Variants in KCNH8 observed in about 807,000 individuals in gnomAD.
KCNH8 encodes voltage-gated delayed rectifier potassium channel KCNH8.
KCNH8 carries 70 observed loss-of-function variants against 103.6 expected under a neutral mutation model. That is an observed-to-expected ratio of 0.68 (90% CI 0.56 to 0.82). KCNH8 has a LOEUF of 0.82. KCNH8 is among the 40% of genes least tolerant of loss of function. The probability of loss-of-function intolerance (pLI) is 0.00; values close to 1 mark genes in which losing one functional copy is unlikely to be tolerated. For synonymous variants in KCNH8, 498 were observed against 489.4 expected, an observed-to-expected ratio of 1.02 and a Z score of -0.23; for missense variants, 1,217 against 1,329.9, an observed-to-expected ratio of 0.92 and a Z score of 1.32.
intron 3 of KCNH8, among the ~76,000 whole-genome samples, chr3:19,329,132 C>T (rs554497478): frequency 3.9e-5 from 6 of 152,260 alleles, no homozygotes; most frequent in African/African-American, 1.4e-4. Flanking sequence ...AGTTAGGATT[C>T]CAATGTGCCA....
chr3:19,458,285 G>A lies in KCNH8; in HGVS notation c.2040+1303G>A, dbSNP rs138077751. Among the ~76,000 whole-genome samples, 597 of 151,948 alleles carry A rather than the reference G, an allele frequency of 3.9e-3. 6 individuals carry two copies. The highest frequency in any genetic ancestry group is 0.014 in the African/African-American group (573 of 41,514). On this transcript the variant is annotated intron_variant, in intron 11 of 15. Coordinates refer to ENST00000328405, the MANE Select transcript of KCNH8 (RefSeq NM_144633.3). ...AGTAGATTGAATTTTAAAACTACAG[G>A]TGTCTTTTGTGCTCACCATGACAGC...
At position 19,451,219 on chromosome 3, in the gene KCNH8, T is replaced by C. The variant is rs770784816; in HGVS notation, c.1640T>C (p.Leu547Ser). The C allele has an allele frequency of 6.2e-7, 1 of 1,613,854 alleles. No individual in the cohort carries two copies. Among genetic ancestry groups the C allele is most frequent in the Admixed American group, 1.7e-5 (1 of 59,982 alleles). ...DITMHLNKEI[L>S]QLSLFECASR... Reference sequence around the variant, plus strand: ...ACTATGCACTTGAACAAGGAGATCTTACAGTTGTCCCTTTTTGAATGTGCC... The same window carrying C: ...ACTATGCACTTGAACAAGGAGATCTCACAGTTGTCCCTTTTTGAATGTGCC... Residue 547 changes from leucine to serine, a missense_variant, in exon 10 of 16, where the codon TTA becomes TCA. Leu to Ser is a moderately radical substitution (Grantham distance 145). Coordinates refer to ENST00000328405, the MANE Select transcript of KCNH8 (RefSeq NM_144633.3).
At chr3:19,507,956 T>C (rs2068724367) in intron 11 of KCNH8, among the ~76,000 whole-genome samples, 1 of 152,234 alleles carries the variant, frequency 6.6e-6, no homozygotes, top group South Asian at 2.1e-4. Context: ...ATCTGGGTTA[T>C]TATCATGAAG....
chr3:19,505,404 A>T (rs1165891995), intron 11 of KCNH8, among the ~76,000 whole-genome samples: 1 of 152,172 alleles, frequency 6.6e-6, no homozygotes, highest in Non-Finnish European at 1.5e-5. Context: ...CCCCCGTGAC[A>T]CAAGTTTACC....
intron 11 of KCNH8, among the ~76,000 whole-genome samples, chr3:19,475,218 A>T (rs910364850): frequency 2.0e-5 from 3 of 152,210 alleles, no homozygotes; most frequent in Admixed American, 1.3e-4. Flanking sequence ...AATAGTCTTA[A>T]GGGAGAGAAA....
chr3:19,480,569 A>G (rs181771492), intron 11 of KCNH8, among the ~76,000 whole-genome samples: 21 of 152,330 alleles, frequency 1.4e-4, no homozygotes, highest in Admixed American at 5.9e-4. Context: ...GTATGAGCCT[A>G]TGAGAGCTCT....
At chr3:19,380,264 A>G (rs539499105) in intron 5 of KCNH8, among the ~76,000 whole-genome samples, 5 of 152,356 alleles carry the variant, frequency 3.3e-5, no homozygotes, top group South Asian at 2.1e-4. Context: ...AACATGAAAT[A>G]TGAACAAATA....
intron 11 of KCNH8, among the ~76,000 whole-genome samples, chr3:19,498,470 C>T (rs924926676): frequency 1.3e-5 from 2 of 152,074 alleles, no homozygotes; most frequent in African/African-American, 4.8e-5. Context: ...GCTGACTTGT[C>T]TCAAAAGGAT....
chr3:19,374,379 C>G (rs1387906228), intron 5 of KCNH8, among the ~76,000 whole-genome samples: 1 of 151,536 alleles, frequency 6.6e-6, no homozygotes, highest in East Asian at 1.9e-4. Context: ...TTCTTTGTCT[C>G]TTTTGATCTT....
intron 11 of KCNH8, among the ~76,000 whole-genome samples, chr3:19,469,170 T>C (rs919916916): frequency 6.6e-6 from 1 of 152,184 alleles, no homozygotes; most frequent in African/African-American, 2.4e-5. Flanking sequence ...GAGATAATTG[T>C]TCTTAGAAAA....
In KCNH8 at chr3:19,253,880, G is replaced by A; in HGVS notation, c.303G>A (p.Lys101=). 1 of 1,609,576 alleles carries A rather than the reference G, an allele frequency of 6.2e-7. No individual in the cohort carries two copies. The highest frequency in any genetic ancestry group is 1.1e-5 in the South Asian group (1 of 90,914). ...TEFKGEIMFY[K]KNGSPFWCLL... ...TCAAAGGAGAAATTATGTTCTACAAGAAAAACGGTGAGTTGGCTTTCTTTC... is the reference window on the plus strand; with the variant it reads ...TCAAAGGAGAAATTATGTTCTACAAAAAAAACGGTGAGTTGGCTTTCTTTC... Residue 101 remains lysine (K), a synonymous_variant, in exon 2 of 16, where the codon AAG becomes AAA. Coordinates refer to ENST00000328405, the MANE Select transcript of KCNH8 (RefSeq NM_144633.3).
chr3:19,514,106 A>G (rs539931632), intron 13 of KCNH8, among the ~76,000 whole-genome samples: 1 of 152,266 alleles, frequency 6.6e-6, no homozygotes, highest in African/African-American at 2.4e-5. Context: ...TATCTCTATT[A>G]TAAAGTTGCA....
chr3:19,223,443 A>G (rs1043571772), intron 1 of KCNH8, among the ~76,000 whole-genome samples: 1 of 152,188 alleles, frequency 6.6e-6, no homozygotes, highest in Non-Finnish European at 1.5e-5. Flanking sequence ...TTTTGGGGAC[A>G]TATTACATAT....
At chr3:19,199,478 T>C (rs1215224026) in intron 1 of KCNH8, among the ~76,000 whole-genome samples, 1 of 151,780 alleles carries the variant, frequency 6.6e-6, no homozygotes, top group Non-Finnish European at 1.5e-5. Flanking sequence ...CAAAAACTGC[T>C]GGACAAAAAC....
At chr3:19,295,611 G>T (rs2064987869) in intron 3 of KCNH8, among the ~76,000 whole-genome samples, 2 of 152,248 alleles carry the variant, frequency 1.3e-5, no homozygotes, top group East Asian at 1.9e-4. Context: ...ACTGAGGACA[G>T]GCTGGAGACC....
At chr3:19,458,580 G>A (rs1021236352) in intron 11 of KCNH8, among the ~76,000 whole-genome samples, 1 of 151,828 alleles carries the variant, frequency 6.6e-6, no homozygotes, top group African/African-American at 2.4e-5. Flanking sequence ...ATTTCCTCAC[G>A]TTTATCATTT....
chr3:19,420,843 T>G lies in KCNH8; in HGVS notation c.1178-17321T>G, dbSNP rs184598118. Among the ~76,000 whole-genome samples, 27 of 152,290 alleles carry G rather than the reference T, an allele frequency of 1.8e-4. No individual in the cohort carries two copies. The East Asian group carries it at 5.0e-3, about 28-fold the overall frequency. On this transcript the variant is annotated intron_variant, in intron 7 of 15. Coordinates refer to ENST00000328405, the MANE Select transcript of KCNH8 (RefSeq NM_144633.3). Reference sequence around the variant, plus strand: ...CTTAAATGAAAATCTGGTATTATTTTATTGGCAACTGAGGATATGTGACTG... The same window carrying G: ...CTTAAATGAAAATCTGGTATTATTTGATTGGCAACTGAGGATATGTGACTG...
intron 1 of KCNH8, among the ~76,000 whole-genome samples, chr3:19,195,534 G>C (rs2063592271): frequency 6.6e-6 from 1 of 151,890 alleles, no homozygotes; most frequent in South Asian, 2.1e-4. Context: ...CTGGACATCT[G>C]CTTTATCATT....
chr3:19,321,685 T>G (rs183137105), intron 3 of KCNH8, among the ~76,000 whole-genome samples: 8 of 150,858 alleles, frequency 5.3e-5, no homozygotes, highest in African/African-American at 2.0e-4. Flanking sequence ...TGTAAATAAC[T>G]GTTAAGTCTA....
Sources: allele counts gnomAD v4.1 joint callset (sites outside exome capture counted in the v4.1 genomes callset), GRCh38; gene constraint gnomAD v4.1.1; transcripts MANE v1.5; gene names NCBI Gene and HGNC (gene_info 2026-07-23, HGNC 2026-07-21).